HDAC4: variants seen among roughly 807,000 people sequenced by gnomAD.
HDAC4 encodes histone deacetylase 4.
In HDAC4, 16 loss-of-function variants were observed where a neutral mutation model predicts 135.1. That is an observed-to-expected ratio of 0.12 (90% CI 0.08 to 0.18). The LOEUF (loss-of-function observed/expected upper bound fraction) is 0.18. Ranked by LOEUF, HDAC4 falls within the 10% of genes least tolerant of loss-of-function variation. The pLI is 1.00. For synonymous variants in HDAC4, 685 were observed against 653.4 expected, an observed-to-expected ratio of 1.05 and a Z score of -0.74; for missense variants, 1,143 against 1,511.8, an observed-to-expected ratio of 0.76 and a Z score of 4.05.
At chr2:239,093,047 C>G (rs2152731859) in intron 17 of HDAC4, among the ~76,000 whole-genome samples, 1 of 152,266 alleles carries the variant, frequency 6.6e-6, no homozygotes, top group East Asian at 1.9e-4. Context: ...CTCAGAGGAG[C>G]CGCGGGGAGC....
intron 13 of HDAC4, among the ~76,000 whole-genome samples, chr2:239,112,280 T>A (rs73097647): frequency 1.3e-5 from 2 of 152,158 alleles, no homozygotes; most frequent in Non-Finnish European, 2.9e-5. Flanking sequence ...AACCCCCTTG[T>A]TGGGTTTGTG....
chr2:239,189,757 G>A (rs1020550905), intron 4 of HDAC4, 76 bp downstream of exon 4: 21 of 1,437,724 alleles, frequency 1.5e-5, no homozygotes, highest in Middle Eastern at 2.4e-4. Context: ...CACACTCCGC[G>A]GAGGCAGGGC....
In HDAC4 at chr2:239,144,814, A is replaced by G. The variant is rs370639706; in HGVS notation, c.734-100T>C. On this transcript the variant is annotated intron_variant, in intron 7 of 26. Transcript: ENST00000543185. Reference sequence around the variant, plus strand: ...AAAATACGCACTCTGGTGAGTAAATATTTGCTCAACACTGCTGTGTTGCTG... The same window carrying G: ...AAAATACGCACTCTGGTGAGTAAATGTTTGCTCAACACTGCTGTGTTGCTG... 2.2e-4 allele frequency: 279 copies of G among 1,284,894 alleles called. 2 individuals carry two copies. In the African/African-American group the frequency reaches 3.4e-3, roughly 16 times the overall value. 79.6% of individuals were successfully genotyped at this position (1,284,894 alleles called of 1,614,324 possible).
At chr2:239,248,397 G>A (rs1192649870) in intron 2 of HDAC4, among the ~76,000 whole-genome samples, 1 of 152,072 alleles carries the variant, frequency 6.6e-6, no homozygotes, top group Non-Finnish European at 1.5e-5. Context: ...TAGCCAGGAT[G>A]GTGTCAATCT....
intron 16 of HDAC4, among the ~76,000 whole-genome samples, chr2:239,095,979 C>A (rs868829979): frequency 6.6e-6 from 1 of 152,132 alleles, no homozygotes; most frequent in Non-Finnish European, 1.5e-5. Flanking sequence ...CTTTATCCAA[C>A]GTGGGACCCC....
chr2:239,058,009 AAAAC>A (rs2032132882), intron 24 of HDAC4, among the ~76,000 whole-genome samples: 1 of 152,244 alleles, frequency 6.6e-6, no homozygotes. Flanking sequence ...TAGTAAAACA[AAAAC>A]AAACAAAACC....
intron 3 of HDAC4, among the ~76,000 whole-genome samples, chr2:239,220,912 G>C (rs1207974728): frequency 1.3e-5 from 2 of 152,094 alleles, no homozygotes; most frequent in Non-Finnish European, 2.9e-5. Context: ...TCCCCCACTG[G>C]TTCCACCTTC....
chr2:239,183,184 A>G (rs1249327000), intron 4 of HDAC4, among the ~76,000 whole-genome samples: 1 of 152,260 alleles, frequency 6.6e-6, no homozygotes, highest in African/African-American at 2.4e-5. Context: ...CCAGACTTTA[A>G]GTTTACGTTA....
intron 4 of HDAC4, among the ~76,000 whole-genome samples, chr2:239,178,468 G>A (rs891209835): frequency 2.6e-5 from 4 of 152,088 alleles, no homozygotes; most frequent in African/African-American, 4.8e-5. Flanking sequence ...GGCTGGTCTC[G>A]AACTCCTGGG....
At chr2:239,374,699 G>A (rs566308052) in intron 1 of HDAC4, among the ~76,000 whole-genome samples, 4 of 152,266 alleles carry the variant, frequency 2.6e-5, no homozygotes, top group South Asian at 2.1e-4. Context: ...CACCGCGCCC[G>A]GCCAACAAGG....
chr2:239,343,320 A>G (rs1398444824), intron 2 of HDAC4, among the ~76,000 whole-genome samples: 1 of 152,236 alleles, frequency 6.6e-6, no homozygotes, highest in Non-Finnish European at 1.5e-5. Context: ...CAAATCTCAG[A>G]GTTCGCTTGG....
chr2:239,344,007 C>T (rs773689840), intron 2 of HDAC4, among the ~76,000 whole-genome samples: 1 of 152,178 alleles, frequency 6.6e-6, no homozygotes, highest in Admixed American at 6.5e-5. Flanking sequence ...CTCTTAAACG[C>T]GCAGTGGGGT....
intron 1 of HDAC4, among the ~76,000 whole-genome samples, chr2:239,364,532 C>T (rs935009987): frequency 2.0e-5 from 3 of 151,956 alleles, no homozygotes; most frequent in South Asian, 4.2e-4. Flanking sequence ...GGGTGGGGGA[C>T]GGCCACTGAA....
intron 2 of HDAC4, among the ~76,000 whole-genome samples, chr2:239,263,295 GCTGTCTCGAAGCCCA>G (rs2049495696): frequency 9.7e-6 from 1 of 103,360 alleles, no homozygotes; most frequent in South Asian, 3.1e-4. Context: ...CTACACATCA[GCTGTCTCGAAGCCCA>G]CCCTGAGGAC....
At chr2:239,099,570 C>G (rs979576558) in intron 16 of HDAC4, among the ~76,000 whole-genome samples, 1 of 152,224 alleles carries the variant, frequency 6.6e-6, no homozygotes, top group African/African-American at 2.4e-5. Flanking sequence ...ACAGCACACT[C>G]TAGCCTCAGT....
intron 14 of HDAC4, among the ~76,000 whole-genome samples, chr2:239,110,519 G>A (rs1048685884): frequency 1.3e-4 from 20 of 152,090 alleles, no homozygotes; most frequent in South Asian, 2.1e-4. Context: ...GACCTTCCAT[G>A]GTTTTCTTTC....
intron 9 of HDAC4, among the ~76,000 whole-genome samples, chr2:239,138,430 G>T (rs182116997): frequency 1.9e-3 from 290 of 152,322 alleles, no homozygotes; most frequent in Non-Finnish European, 2.8e-3. Context: ...GGAAGGGCAG[G>T]ATTCATTTCT....
At chr2:239,070,207 T>C (rs2034034390) in intron 22 of HDAC4, among the ~76,000 whole-genome samples, 1 of 152,192 alleles carries the variant, frequency 6.6e-6, no homozygotes, top group Non-Finnish European at 1.5e-5. Context: ...AGCCCACGTG[T>C]TCCTTACTCA....
At chr2:239,253,628 T>C (rs2048902334) in intron 2 of HDAC4, among the ~76,000 whole-genome samples, 1 of 152,222 alleles carries the variant, frequency 6.6e-6, no homozygotes, top group African/African-American at 2.4e-5. Flanking sequence ...ACTGACTCGA[T>C]AAGGATCCCT....
Sources: allele counts gnomAD v4.1 joint callset (sites outside exome capture counted in the v4.1 genomes callset), GRCh38; gene constraint gnomAD v4.1.1; transcripts MANE v1.5; gene names NCBI Gene and HGNC (gene_info 2026-07-23, HGNC 2026-07-21).